RIT2: variants seen among roughly 807,000 people sequenced by gnomAD.
RIT2 encodes the protein Ras like without CAAX 2, also known as GTP-binding protein Rit2.
RIT2 carries 24 observed loss-of-function variants against 23.7 expected under a neutral mutation model. That is an observed-to-expected ratio of 1.01 (90% CI 0.73 to 1.43). RIT2 has a LOEUF of 1.43. Ranked by LOEUF, RIT2 falls within the 40% of genes most tolerant of loss-of-function variation. RIT2 has a pLI of 0.00. For synonymous variants in RIT2, 107 were observed against 91.1 expected, an observed-to-expected ratio of 1.17 and a Z score of -0.99; for missense variants, 236 against 266.9, an observed-to-expected ratio of 0.88 and a Z score of 0.81.
intron 4 of RIT2, among the ~76,000 whole-genome samples, chr18:42,756,633 A>G (rs1468109402): frequency 1.3e-5 from 2 of 152,224 alleles, no homozygotes; most frequent in Non-Finnish European, 1.5e-5. Flanking sequence ...CGTGCAATAT[A>G]TATAAATGCA....
chr18:43,096,349 A>G (rs1913552809), intron 1 of RIT2, among the ~76,000 whole-genome samples: 1 of 151,874 alleles, frequency 6.6e-6, no homozygotes, highest in Non-Finnish European at 1.5e-5. Flanking sequence ...TCAGGTTATT[A>G]AACAGTATCC....
At chr18:42,913,167 T>C (rs1332267279) in intron 4 of RIT2, among the ~76,000 whole-genome samples, 2 of 146,626 alleles carry the variant, frequency 1.4e-5, no homozygotes, top group Non-Finnish European at 3.0e-5. Context: ...CTTCAATAAA[T>C]GATGCTGGAG....
At chr18:42,805,474 T>G (rs1269970617) in intron 4 of RIT2, among the ~76,000 whole-genome samples, 2 of 152,186 alleles carry the variant, frequency 1.3e-5, no homozygotes, top group Non-Finnish European at 2.9e-5. Flanking sequence ...TACCAAAACT[T>G]GACTAAAATA....
At chr18:43,104,162 C>T (rs946159249) in intron 1 of RIT2, among the ~76,000 whole-genome samples, 6 of 152,028 alleles carry the variant, frequency 3.9e-5, no homozygotes, top group African/African-American at 1.4e-4. Context: ...GAGGACATAA[C>T]GTTAAGTAAA....
intron 2 of RIT2, among the ~76,000 whole-genome samples, chr18:42,996,496 C>T (rs1910986528): frequency 6.6e-6 from 1 of 152,046 alleles, no homozygotes; most frequent in Non-Finnish European, 1.5e-5. Context: ...TGACATTCCA[C>T]CACAAAAGAA....
chr18:43,080,604 C>T (rs1913134415), intron 1 of RIT2, among the ~76,000 whole-genome samples: 1 of 152,140 alleles, frequency 6.6e-6, no homozygotes, highest in Non-Finnish European at 1.5e-5. Flanking sequence ...TTTGTTTTTA[C>T]ATTTAGGCTT....
At chr18:42,945,780 G>A (rs1464495896) in intron 3 of RIT2, among the ~76,000 whole-genome samples, 2 of 152,026 alleles carry the variant, frequency 1.3e-5, no homozygotes, top group Non-Finnish European at 2.9e-5. Flanking sequence ...TTTACGAGAT[G>A]TGCAAGCAAC....
chr18:43,103,821 G>A (rs1913745117), intron 1 of RIT2, among the ~76,000 whole-genome samples: 1 of 152,138 alleles, frequency 6.6e-6, no homozygotes. Context: ...AGTTGTTTGG[G>A]GAGGAGAAGA....
At chr18:42,929,468 G>T (rs978531829) in intron 3 of RIT2, among the ~76,000 whole-genome samples, 1 of 152,110 alleles carries the variant, frequency 6.6e-6, no homozygotes, top group Non-Finnish European at 1.5e-5. Context: ...TAATAATTGA[G>T]AATGATATTT....
chr18:42,955,164 AAC>A (rs1194065717), intron 3 of RIT2, among the ~76,000 whole-genome samples: 2 of 152,186 alleles, frequency 1.3e-5, no homozygotes, highest in African/African-American at 4.8e-5. Context: ...GCTGTTTCAA[AAC>A]AGTCACCACA....
chr18:43,111,497 C>T (rs529864054), intron 1 of RIT2, among the ~76,000 whole-genome samples: 33 of 152,186 alleles, frequency 2.2e-4, no homozygotes, highest in African/African-American at 7.7e-4. Context: ...GTGATGGATA[C>T]ACCATACCCT....
At chr18:42,855,095 ATATAT>A (rs1470293971) in intron 4 of RIT2, among the ~76,000 whole-genome samples, 3 of 152,216 alleles carry the variant, frequency 2.0e-5, no homozygotes, top group Admixed American at 6.5e-5. Context: ...CATCAGAATT[ATATAT>A]TATAAGTGTT....
At chr18:42,797,800 G>C (rs988044036) in intron 4 of RIT2, among the ~76,000 whole-genome samples, 3 of 152,162 alleles carry the variant, frequency 2.0e-5, no homozygotes, top group Non-Finnish European at 2.9e-5. Flanking sequence ...GAAGAACTAA[G>C]GGCTTAACTT....
intron 3 of RIT2, among the ~76,000 whole-genome samples, chr18:42,970,640 A>C (rs781585875): frequency 4.6e-5 from 7 of 152,058 alleles, no homozygotes; most frequent in Non-Finnish European, 8.8e-5. Flanking sequence ...TATTGCACAG[A>C]AATGCCAAAA....
intron 3 of RIT2, among the ~76,000 whole-genome samples, chr18:42,930,060 G>A (rs1232383009): frequency 2.0e-5 from 3 of 152,102 alleles, no homozygotes; most frequent in East Asian, 1.9e-4. Context: ...AGAAAGAGGC[G>A]TTAGTATGAC....
intron 4 of RIT2, among the ~76,000 whole-genome samples, chr18:42,893,234 A>G (rs1483130093): frequency 1.3e-5 from 2 of 152,116 alleles, no homozygotes; most frequent in Admixed American, 6.5e-5. Flanking sequence ...TCAAAAAAAA[A>G]AAAAAAAAAA....
rs192500962 is a variant in RIT2 at position 43,065,729 on chromosome 18, G to T, written c.104-31862C>A. 2.2e-3 allele frequency among the ~76,000 whole-genome samples: 335 copies of T among 152,212 alleles called. 1 individual carries two copies. The highest frequency in any genetic ancestry group is 7.5e-3 in the African/African-American group (313 of 41,532). Reference sequence around the variant, plus strand: ...TGTGTGGTAACAAAACTAAGACAAAGATCGTAGAACTAGGTAACTCCCACT... The same window carrying T: ...TGTGTGGTAACAAAACTAAGACAAATATCGTAGAACTAGGTAACTCCCACT... On this transcript the variant is annotated intron_variant, in intron 1 of 4. Coordinates refer to ENST00000326695, the MANE Select transcript of RIT2 (RefSeq NM_002930.4).
intron 1 of RIT2, among the ~76,000 whole-genome samples, chr18:43,059,280 G>A (rs1030678443): frequency 6.6e-6 from 1 of 152,114 alleles, no homozygotes; most frequent in South Asian, 2.1e-4. Context: ...TCTGTTTTAT[G>A]GATGTCAACA....
intron 4 of RIT2, among the ~76,000 whole-genome samples, chr18:42,763,263 C>T (rs1913344282): frequency 6.6e-6 from 1 of 152,082 alleles, no homozygotes; most frequent in African/African-American, 2.4e-5. Flanking sequence ...GAGATCGAGA[C>T]CATCCTGGCT....
Sources: gnomAD v4.1 joint callset for allele counts (sites outside exome capture counted in the v4.1 genomes callset) on GRCh38, gnomAD v4.1.1 for gene constraint, MANE v1.5 for transcripts, NCBI Gene and HGNC (gene_info 2026-07-23, HGNC 2026-07-21) for gene names.